Variants in DRC11L observed in about 807,000 individuals in gnomAD.
DRC11L encodes the protein dynein regulatory complex subunit 11 like.
At chr7:151,192,248 C>T in the DRC11L span, 2 of 398,946 alleles carry the variant, frequency 5.0e-6, no homozygotes, top group African/African-American at 2.1e-5. Flanking sequence ...TTGGTAGGCG[C>T]AGCCGTCCCC....
the DRC11L span, chr7:151,200,466 A>T: frequency 1.0e-5 from 4 of 399,082 alleles, no homozygotes; most frequent in Non-Finnish European, 1.8e-5. Context: ...TGGCGGAGGG[A>T]TGTAGGGGAC....
chr7:151,204,925 G>T, the DRC11L span: 1 of 398,774 alleles, frequency 2.5e-6, no homozygotes, highest in Non-Finnish European at 4.4e-6. Context: ...GTGTGGGCTC[G>T]GGGTACCAGA....
the DRC11L span, chr7:151,195,712 G>T: frequency 5.0e-6 from 2 of 399,530 alleles, no homozygotes; most frequent in South Asian, 2.6e-4. Context: ...GAGGACAGGT[G>T]GGAGAGGAGC....
the DRC11L span, chr7:151,196,373 CTGGCTGGAAATG>C: frequency 2.5e-6 from 1 of 399,010 alleles, no homozygotes. Context: ...GAGCCTGAAT[CTGGCTGGAAATG>C]TGGGTTATGG....
chr7:151,194,084 G>C, the DRC11L span, among the ~76,000 whole-genome samples: 3 of 152,088 alleles, frequency 2.0e-5, no homozygotes, highest in South Asian at 6.2e-4. Context: ...CTGATTTCTG[G>C]AGTGGCCCAA....
chr7:151,201,856 C>A, the DRC11L span, among the ~76,000 whole-genome samples: 1 of 152,302 alleles, frequency 6.6e-6, no homozygotes, highest in South Asian at 2.1e-4. The surrounding 1 kb of genome is among the most constrained non-coding windows in gnomAD (Gnocchi z 4.1). Flanking sequence ...TCTGTTCCTG[C>A]ACTGGAATTT....
the DRC11L span, among the ~76,000 whole-genome samples, chr7:151,196,224 G>A: frequency 6.6e-6 from 1 of 152,234 alleles, no homozygotes; most frequent in Non-Finnish European, 1.5e-5. Flanking sequence ...GACCGGGGGA[G>A]GCAGAGGAAG....
At chr7:151,191,700 C>T in the DRC11L span, 3 of 399,308 alleles carry the variant, frequency 7.5e-6, no homozygotes, top group South Asian at 1.3e-4. Flanking sequence ...CCCAGGAACT[C>T]AGAGGCCACC....
the DRC11L span, chr7:151,194,466 CT>C: frequency 5.0e-6 from 2 of 398,888 alleles, no homozygotes; most frequent in Admixed American, 4.4e-5. Flanking sequence ...GTAGGGGAGC[CT>C]TGGCACCTGG....
At chr7:151,205,354 C>G in the DRC11L span, 24 of 398,928 alleles carry the variant, frequency 6.0e-5, no homozygotes, top group Non-Finnish European at 9.3e-5. Context: ...GTGCCCAAAC[C>G]GCCACTCTGC....
chr7:151,192,638 C>T, the DRC11L span: 5 of 398,862 alleles, frequency 1.3e-5, no homozygotes, highest in Non-Finnish European at 2.2e-5. Context: ...ATGTGCAAGG[C>T]CCCAGTGGTT....
At chr7:151,195,380 T>C in the DRC11L span, 1 of 399,020 alleles carries the variant, frequency 2.5e-6, no homozygotes, top group Non-Finnish European at 4.4e-6. Context: ...GGACTGGGAC[T>C]TACTCCACCA....
chr7:151,204,502 CA>C, the DRC11L span: 1 of 399,060 alleles, frequency 2.5e-6, no homozygotes. Flanking sequence ...CGGCTGCGCA[CA>C]CGTACTGGGG....
At chr7:151,191,263 C>T in the DRC11L span, among the ~76,000 whole-genome samples, 5 of 152,108 alleles carry the variant, frequency 3.3e-5, no homozygotes, top group South Asian at 8.3e-4. Flanking sequence ...CAATGTCAGC[C>T]GTTCTTAGTG....
chr7:151,201,773 T>A, the DRC11L span, among the ~76,000 whole-genome samples: 1 of 152,008 alleles, frequency 6.6e-6, no homozygotes, highest in East Asian at 1.9e-4. This position sits in a 1 kb window ranked among gnomAD's most constrained non-coding sequence, Gnocchi z 4.1. Context: ...AAAGAAAAGG[T>A]GGCAAGAGGC....
chr7:151,195,835 C>T, the DRC11L span: 1 of 388,188 alleles, frequency 2.6e-6, no homozygotes. Context: ...TGCATTCCTC[C>T]CTCCCTCCTG....
chr7:151,196,846 T>C, the DRC11L span: 6 of 398,240 alleles, frequency 1.5e-5, no homozygotes, highest in East Asian at 2.1e-4. Flanking sequence ...CCTCATTTGG[T>C]GTTGTCCCCT....
At chr7:151,195,610 C>T in the DRC11L span, 3 of 399,884 alleles carry the variant, frequency 7.5e-6, no homozygotes. Context: ...TCCTCCTTGT[C>T]CACAGCCAGA....
chr7:151,194,191 C>G, the DRC11L span: 1 of 397,810 alleles, frequency 2.5e-6, no homozygotes, highest in Non-Finnish European at 4.4e-6. Flanking sequence ...CCTACCCTGA[C>G]CCCAGCCCTC....
Sources: gnomAD v4.1 joint callset for allele counts (sites outside exome capture counted in the v4.1 genomes callset) on GRCh38, gnomAD v4.1.1 for gene constraint, Gnocchi (gnomAD v3.1) non-coding constraint, MANE v1.5 for transcripts, NCBI Gene and HGNC (gene_info 2026-07-23, HGNC 2026-07-21) for gene names.